EP400: variants seen among roughly 807,000 people sequenced by gnomAD.
The protein encoded by EP400 is E1A-binding protein p400.
In EP400, 105 loss-of-function variants were observed where a neutral mutation model predicts 354.1. The observed-to-expected ratio is 0.30, with a 90% confidence interval of 0.25 to 0.35. The LOEUF is 0.35. EP400 is among the 10% of genes least tolerant of loss of function. EP400 has a pLI of 1.00. For synonymous variants in EP400, 1,646 were observed against 1,716.9 expected (o/e 0.96, Z 1.02); for missense variants, 3,280 against 4,121.0 (o/e 0.80, Z 5.59).
chr12:132,056,424 C>G (rs958254694), intron 45 of EP400, among the ~76,000 whole-genome samples: 1 of 146,570 alleles, frequency 6.8e-6, no homozygotes, highest in Non-Finnish European at 1.5e-5. Flanking sequence ...ACACAACACA[C>G]GCACACACAC....
intron 24 of EP400, among the ~76,000 whole-genome samples, chr12:132,024,998 G>A (rs539782976): frequency 1.3e-5 from 2 of 152,002 alleles, no homozygotes; most frequent in African/African-American, 2.4e-5. Flanking sequence ...AGACACACAC[G>A]TCTCAGCAGA....
At chr12:132,039,402 G>A (rs1483183728) in intron 32 of EP400, among the ~76,000 whole-genome samples, 6 of 152,174 alleles carry the variant, frequency 3.9e-5, no homozygotes, top group Non-Finnish European at 5.9e-5. Context: ...GCCACGGAGT[G>A]AGAGAGGGAG....
Position 132,029,539 on chromosome 12 carries a change from C to T in EP400, c.5382-162C>T. ...TGGTTAGGATCTGCCTCGTTGGGCCCCTGCCCGTGTGCCAACACCCACATC... is the reference window on the plus strand; with the variant it reads ...TGGTTAGGATCTGCCTCGTTGGGCCTCTGCCCGTGTGCCAACACCCACATC... On this transcript the variant is annotated intron_variant, in intron 27 of 52. Transcript: ENST00000389561. The surrounding 1 kb of genome is among the most constrained non-coding windows in gnomAD (Gnocchi z 4.7). 1 of 739,512 alleles carries T rather than the reference C, an allele frequency of 1.4e-6. No homozygotes were observed. Among genetic ancestry groups the T allele is most frequent in the Non-Finnish European group, 2.2e-6 (1 of 454,836 alleles). 45.8% of individuals were successfully genotyped at this position (739,512 alleles called of 1,614,324 possible).
chr12:132,057,918 T>C (rs1470829722), intron 45 of EP400, among the ~76,000 whole-genome samples: 2 of 152,220 alleles, frequency 1.3e-5, no homozygotes, highest in Non-Finnish European at 1.5e-5. Context: ...TGGCTCTTAA[T>C]GGACAAGACA....
At chr12:132,008,221 T>C (rs1460961465) in intron 15 of EP400, among the ~76,000 whole-genome samples, 1 of 152,220 alleles carries the variant, frequency 6.6e-6, no homozygotes, top group Admixed American at 6.5e-5. Context: ...ATGCTGGGAT[T>C]ACAGGCGTGA....
At chr12:131,997,590 C>T (rs1893257716) in intron 12 of EP400, among the ~76,000 whole-genome samples, 1 of 152,052 alleles carries the variant, frequency 6.6e-6, no homozygotes, top group Non-Finnish European at 1.5e-5. Context: ...ATATTACGTA[C>T]TGTATTCTTA....
At chr12:132,024,813 C>G (rs1037219519) in intron 24 of EP400, among the ~76,000 whole-genome samples, 4 of 151,660 alleles carry the variant, frequency 2.6e-5, no homozygotes, top group East Asian at 1.9e-4. Flanking sequence ...CGCCACCCCC[C>G]CACAGCAGCC....
chr12:132,000,432 A>G (rs1566180645), intron 12 of EP400, among the ~76,000 whole-genome samples: 1 of 152,248 alleles, frequency 6.6e-6, no homozygotes, highest in East Asian at 1.9e-4. Context: ...ACATGCATTC[A>G]TCAGGTTATG....
Position 132,023,725 on chromosome 12 carries a change from C to G in EP400, c.4691-52C>G, listed in dbSNP as rs113008394. 2.7e-3 allele frequency: 4,259 copies of G among 1,597,574 alleles called. 96 individuals are homozygous for G. In the African/African-American group the frequency reaches 0.051, roughly 19 times the overall value. ...GAAACGACTGTCAATATGACACTCCCAAATTTTTTCCAAAATGATCTGAAT... is the reference window on the plus strand; with the variant it reads ...GAAACGACTGTCAATATGACACTCCGAAATTTTTTCCAAAATGATCTGAAT... On this transcript the variant is annotated intron_variant, in intron 23 of 52. Transcript: ENST00000389561.
At chr12:132,058,380 A>G (rs1163596162) in intron 45 of EP400, among the ~76,000 whole-genome samples, 7 of 139,272 alleles carry the variant, frequency 5.0e-5, no homozygotes, top group Non-Finnish European at 9.0e-5. Context: ...TTTGAGACAG[A>G]GTCTCTCCCT....
In EP400 at chr12:132,025,702, C is replaced by G. The variant is rs1894282384; in HGVS notation, c.4912C>G (p.Pro1638Ala). ...PGQPYLRAPG[P>A]VVMQTVSQAG... ...GCAGCCCTACCTTCGAGCCCCTGGC[C>G]CTGTGGTGATGCAGACCGTGTCTCA... The change falls in exon 25 of 53, where the codon CCT becomes GCT. Residue 1638 changes from proline (P) to alanine (A), a missense_variant. Transcript: ENST00000389561. This position sits in a 1 kb window ranked among gnomAD's most constrained non-coding sequence, Gnocchi z 4.1. 6.2e-7 allele frequency: 1 copy of G among 1,613,394 alleles called. No individual in the cohort carries two copies. Among genetic ancestry groups the G allele is most frequent in the African/African-American group, 1.3e-5 (1 of 74,934 alleles).
chr12:132,013,355 CT>C lies in EP400; in HGVS notation c.3612-131del. 1.4e-6 allele frequency: 2 copies of C among 1,396,706 alleles called. No individual in the cohort carries two copies. 86.5% of individuals were successfully genotyped at this position (1,396,706 alleles called of 1,614,324 possible). On this transcript the variant is annotated intron_variant, in intron 17 of 52. Coordinates refer to ENST00000389561, the MANE Select transcript of EP400 (RefSeq NM_015409.5). This position sits in a 1 kb window ranked among gnomAD's most constrained non-coding sequence, Gnocchi z 4.5. ...CCAGAGCTGGGTCAGTGCAGCCCCC[CT>C]TTTCAGGCATGTGCACGTTGACATT...
intron 7 of EP400, 113 bp downstream of exon 7, chr12:131,988,003 T>TC: frequency 1.0e-6 from 1 of 963,742 alleles, no homozygotes; most frequent in Non-Finnish European, 1.4e-6. Flanking sequence ...TTTTTTTTTT[T>TC]TTTTTCCCCC....
chr12:132,062,816 A>G (rs1895752165), intron 47 of EP400, 115 bp downstream of exon 47: 10 of 1,313,882 alleles, frequency 7.6e-6, no homozygotes, highest in Non-Finnish European at 1.1e-5. Context: ...GCAAACGTCT[A>G]GCACTGCCTT....
chr12:131,993,144 A>C (rs915390631), intron 11 of EP400, among the ~76,000 whole-genome samples: 5 of 152,206 alleles, frequency 3.3e-5, no homozygotes, highest in African/African-American at 1.2e-4. Flanking sequence ...CTCTTGCCTC[A>C]GCCTCCTGAG....
chr12:132,039,373 G>C (rs998581913), intron 32 of EP400, among the ~76,000 whole-genome samples: 20 of 152,084 alleles, frequency 1.3e-4, no homozygotes, highest in East Asian at 5.8e-4. Flanking sequence ...GGAAGGGGAG[G>C]GGGGAGCTGC....
chr12:132,078,958 G>A lies in EP400; in HGVS notation c.*1285G>A, dbSNP rs1226918637. 3.3e-5 allele frequency: 5 copies of A among 152,168 alleles called. No homozygotes were observed. Among genetic ancestry groups the A allele is most frequent in the Admixed American group, 1.3e-4 (2 of 15,280 alleles). 9.4% of individuals were successfully genotyped at this position (152,168 alleles called of 1,614,324 possible). A position where few individuals can be genotyped will look rare whatever the true frequency, so the allele number is the denominator to read the frequency against. ...TTTGAAGTTTTCACCAAAGCAAAAAGGTCCATATCCAATAGTATCCTTTGT... is the reference window on the plus strand; with the variant it reads ...TTTGAAGTTTTCACCAAAGCAAAAAAGTCCATATCCAATAGTATCCTTTGT... On this transcript the variant is annotated 3_prime_UTR_variant, in exon 53 of 53. Transcript: ENST00000389561.
chr12:131,988,390 T>C (rs776530821), intron 7 of EP400, among the ~76,000 whole-genome samples: 2 of 152,176 alleles, frequency 1.3e-5, no homozygotes, highest in Non-Finnish European at 2.9e-5. Flanking sequence ...GGAGTTAGGA[T>C]ACCTGCAGTG....
intron 1 of EP400, among the ~76,000 whole-genome samples, chr12:131,951,043 GCGCC>G: frequency 6.6e-6 from 1 of 151,108 alleles, no homozygotes; most frequent in Non-Finnish European, 1.5e-5. Context: ...GGGACTACAG[GCGCC>G]TGCCACCACG....
Sources: gnomAD v4.1 joint callset for allele counts (sites outside exome capture counted in the v4.1 genomes callset) on GRCh38, gnomAD v4.1.1 for gene constraint, Gnocchi (gnomAD v3.1) non-coding constraint, MANE v1.5 for transcripts, NCBI Gene and HGNC (gene_info 2026-07-23, HGNC 2026-07-21) for gene names.